Variants in GLIS3 observed in about 807,000 individuals in gnomAD.
GLIS3 encodes GLIS family zinc finger 3.
Under a neutral mutation model 78.6 loss-of-function variants are expected in GLIS3, and 53 were observed. The ratio of observed to expected loss-of-function variants is 0.67; its 90% CI spans 0.54 to 0.85. The LOEUF (loss-of-function observed/expected upper bound fraction) is 0.85, where lower values mean the gene tolerates loss of function less well. Ranked by LOEUF, GLIS3 falls within the 40% of genes least tolerant of loss-of-function variation. GLIS3 has a pLI of 0.00. For missense variants in GLIS3, 1,703 were observed against 1,231.1 expected (o/e 1.38, Z -5.74); for synonymous variants, 684 against 509.9 (o/e 1.34, Z -4.60).
intron 2 of GLIS3, among the ~76,000 whole-genome samples, chr9:4,235,468 G>A (rs1464046975): frequency 6.6e-6 from 1 of 152,164 alleles, no homozygotes. Context: ...CAGTCATTCA[G>A]CCATGCTGGA....
chr9:4,242,255 G>A (rs565656580), intron 2 of GLIS3, among the ~76,000 whole-genome samples: 6 of 152,164 alleles, frequency 3.9e-5, no homozygotes, highest in African/African-American at 1.2e-4. Flanking sequence ...ACACAGGGCC[G>A]TCTTTTATCT....
intron 6 of GLIS3, among the ~76,000 whole-genome samples, chr9:3,916,298 C>G (rs1452307787): frequency 6.6e-6 from 1 of 152,202 alleles, no homozygotes; most frequent in Non-Finnish European, 1.5e-5. Flanking sequence ...CTCTATTCTA[C>G]CAAGGAGACA....
chr9:4,216,852 T>C (rs1307646360), intron 2 of GLIS3, among the ~76,000 whole-genome samples: 1 of 152,230 alleles, frequency 6.6e-6, no homozygotes. Flanking sequence ...ACAAGGAATG[T>C]CACGTGCATT....
At chr9:3,872,740 CTA>C (rs1821048288) in intron 8 of GLIS3, among the ~76,000 whole-genome samples, 2 of 152,206 alleles carry the variant, frequency 1.3e-5, no homozygotes, top group South Asian at 4.1e-4. Context: ...CACAGCCAAA[CTA>C]TATCAGTCCC....
At chr9:4,362,881 T>C in the GLIS3 span, among the ~76,000 whole-genome samples, 1 of 151,738 alleles carries the variant, frequency 6.6e-6, no homozygotes. Flanking sequence ...GGAGCCTGGA[T>C]CAGAATGAGG....
intron 2 of GLIS3, among the ~76,000 whole-genome samples, chr9:4,276,653 A>G (rs1827059431): frequency 6.6e-6 from 1 of 152,132 alleles, no homozygotes; most frequent in South Asian, 2.1e-4. Flanking sequence ...GGGGAAGGGT[A>G]CTAATGGAAT....
chr9:3,860,258 G>A (rs910144627), intron 8 of GLIS3, among the ~76,000 whole-genome samples: 1 of 79,250 alleles, frequency 1.3e-5, no homozygotes, highest in South Asian at 5.2e-4. Context: ...CTGGGTGACA[G>A]AGCAAGACTC....
intron 2 of GLIS3, among the ~76,000 whole-genome samples, chr9:4,342,115 T>C (rs117613776): frequency 0.017 from 2,549 of 152,322 alleles, 38 homozygotes; most frequent in Non-Finnish European, 0.023. Flanking sequence ...AGGTCCCATT[T>C]GTCAATTTTT....
the GLIS3 span, among the ~76,000 whole-genome samples, chr9:4,407,056 T>C: frequency 6.6e-6 from 1 of 152,182 alleles, no homozygotes; most frequent in Admixed American, 6.5e-5. Context: ...CTACAGAGCT[T>C]CTGTAACTAA....
At chr9:3,980,833 T>TC (rs1202133339) in intron 4 of GLIS3, among the ~76,000 whole-genome samples, 1 of 151,874 alleles carries the variant, frequency 6.6e-6, no homozygotes, top group East Asian at 1.9e-4. Context: ...TTCTTCTTCT[T>TC]TTTTTCTGCT....
chr9:4,059,864 G>GAA (rs1826496787), intron 4 of GLIS3, among the ~76,000 whole-genome samples: 1 of 150,014 alleles, frequency 6.7e-6, no homozygotes. Flanking sequence ...GAGAGAGAGA[G>GAA]AGAAAGAGAG....
intron 2 of GLIS3, among the ~76,000 whole-genome samples, chr9:4,332,833 A>G (rs1326934546): frequency 6.6e-6 from 1 of 152,232 alleles, no homozygotes; most frequent in East Asian, 1.9e-4. Flanking sequence ...ACTGGGTACT[A>G]GATACTACAT....
chr9:4,328,639 C>T (rs1817637942), intron 2 of GLIS3, among the ~76,000 whole-genome samples: 1 of 152,240 alleles, frequency 6.6e-6, no homozygotes, highest in Admixed American at 6.5e-5. Flanking sequence ...AGGAAGTCGT[C>T]CTGAAGCCAG....
At chr9:4,276,984 C>A (rs1827091183) in intron 2 of GLIS3, among the ~76,000 whole-genome samples, 1 of 152,026 alleles carries the variant, frequency 6.6e-6, no homozygotes, top group South Asian at 2.1e-4. Flanking sequence ...TGCAGGAAGC[C>A]ACATTGGAAG....
chr9:3,867,167 T>A (rs903692120), intron 8 of GLIS3, among the ~76,000 whole-genome samples: 2 of 152,334 alleles, frequency 1.3e-5, no homozygotes, highest in East Asian at 1.9e-4. Context: ...AAGAAACACA[T>A]TAGACTGAAA....
At chr9:3,999,880 A>C (rs1821008947) in intron 4 of GLIS3, among the ~76,000 whole-genome samples, 1 of 152,160 alleles carries the variant, frequency 6.6e-6, no homozygotes, top group Admixed American at 6.6e-5. Context: ...TACGCAATGC[A>C]ACATTTAAGT....
chr9:3,855,783 G>A (rs1819741945), intron 9 of GLIS3: 1 of 543,108 alleles, frequency 1.8e-6, no homozygotes, highest in Non-Finnish European at 3.3e-6. Context: ...CCAGCAACTT[G>A]AGCTGACCAG....
At chr9:4,274,127 G>C (rs1290962552) in intron 2 of GLIS3, among the ~76,000 whole-genome samples, 2 of 152,154 alleles carry the variant, frequency 1.3e-5, no homozygotes, top group African/African-American at 2.4e-5. Flanking sequence ...CTGGTGGCTT[G>C]AAAAGGTCAC....
intron 2 of GLIS3, among the ~76,000 whole-genome samples, chr9:4,224,321 C>A (rs1821579670): frequency 6.6e-6 from 1 of 152,178 alleles, no homozygotes; most frequent in African/African-American, 2.4e-5. Flanking sequence ...TAACAGCTTG[C>A]TAACAAACTG....
Sources: gnomAD v4.1 joint callset for allele counts (sites outside exome capture counted in the v4.1 genomes callset) on GRCh38, gnomAD v4.1.1 for gene constraint, MANE v1.5 for transcripts, NCBI Gene and HGNC (gene_info 2026-07-23, HGNC 2026-07-21) for gene names.